Variants in TCF12 observed in about 807,000 individuals in gnomAD.
The protein encoded by TCF12 is DNA-binding protein HTF4.
Under a neutral mutation model 86.0 loss-of-function variants are expected in TCF12, and 45 were observed. That is an observed-to-expected ratio of 0.52 (90% CI 0.41 to 0.67). TCF12 has a LOEUF of 0.67. TCF12 is among the 30% of genes least tolerant of loss of function. TCF12 has a pLI of 0.00. For missense variants in TCF12, 881 were observed against 859.9 expected (o/e 1.02, Z -0.31); for synonymous variants, 330 against 299.6 (o/e 1.10, Z -1.05).
chr15:57,211,993 A>G (rs62022234), intron 8 of TCF12, among the ~76,000 whole-genome samples: 1 of 24,770 alleles, frequency 4.0e-5, no homozygotes, highest in Non-Finnish European at 2.8e-4. Flanking sequence ...ACACACACAC[A>G]CACACACACA....
At chr15:57,184,952 C>T (rs974057463) in intron 6 of TCF12, among the ~76,000 whole-genome samples, 4 of 152,082 alleles carry the variant, frequency 2.6e-5, no homozygotes, top group Non-Finnish European at 5.9e-5. Context: ...ATCATTTCTT[C>T]TGGAGGTTAT....
intron 3 of TCF12, among the ~76,000 whole-genome samples, chr15:56,939,108 T>A (rs2060613822): frequency 6.6e-6 from 1 of 152,332 alleles, no homozygotes; most frequent in South Asian, 2.1e-4. Context: ...TTGCCATTCT[T>A]GTGCGGTTTG....
intron 8 of TCF12, among the ~76,000 whole-genome samples, chr15:57,204,224 C>A (rs1399567108): frequency 6.6e-6 from 1 of 152,034 alleles, no homozygotes; most frequent in African/African-American, 2.4e-5. Flanking sequence ...TCCCCTGAAT[C>A]CAGGAGTTTG....
chr15:57,025,967 A>T (rs1296461327), intron 3 of TCF12, among the ~76,000 whole-genome samples: 1 of 152,230 alleles, frequency 6.6e-6, no homozygotes, highest in African/African-American at 2.4e-5. Context: ...TTCTTGTAGG[A>T]ACAGTTAAAA....
intron 5 of TCF12, among the ~76,000 whole-genome samples, chr15:57,135,719 C>G (rs1254107278): frequency 6.6e-6 from 1 of 152,118 alleles, no homozygotes; most frequent in African/African-American, 2.4e-5. Flanking sequence ...TTTCGCCAAG[C>G]AGTAATAAAG....
intron 3 of TCF12, among the ~76,000 whole-genome samples, chr15:56,980,829 C>T (rs1034627679): frequency 8.6e-5 from 13 of 152,032 alleles, no homozygotes; most frequent in Admixed American, 2.0e-4. Flanking sequence ...TTGTGCTTTC[C>T]GTGAAGATAG....
At chr15:57,171,616 G>A (rs1338548639) in intron 6 of TCF12, among the ~76,000 whole-genome samples, 2 of 152,122 alleles carry the variant, frequency 1.3e-5, no homozygotes, top group Non-Finnish European at 2.9e-5. Flanking sequence ...TGCCTGATGG[G>A]CCTTACTTCA....
At chr15:56,960,610 A>G (rs1397869427) in intron 3 of TCF12, among the ~76,000 whole-genome samples, 1 of 151,612 alleles carries the variant, frequency 6.6e-6, no homozygotes, top group Non-Finnish European at 1.5e-5. Flanking sequence ...TTGTATTTTT[A>G]GTAGAGATGG....
intron 8 of TCF12, among the ~76,000 whole-genome samples, chr15:57,226,054 C>T (rs2058860108): frequency 7.6e-6 from 1 of 132,136 alleles, no homozygotes; most frequent in Non-Finnish European, 1.5e-5. Flanking sequence ...ATAATTTAAA[C>T]ACTAAAAATC....
upstream of TCF12, chr15:56,918,097 C>G (rs2059588079): frequency 2.4e-6 from 1 of 416,984 alleles, no homozygotes; most frequent in Non-Finnish European, 4.8e-6. Context: ...CTCGGAACGG[C>G]CGAGGAGGAT....
chr15:57,245,091 T>C (rs1424492047), intron 13 of TCF12, among the ~76,000 whole-genome samples: 1 of 152,266 alleles, frequency 6.6e-6, no homozygotes, highest in African/African-American at 2.4e-5. Flanking sequence ...TCTGTTTTCC[T>C]AATCAAGCCA....
intron 3 of TCF12, among the ~76,000 whole-genome samples, chr15:56,993,045 A>C (rs1258444517): frequency 6.6e-6 from 1 of 152,178 alleles, no homozygotes; most frequent in East Asian, 1.9e-4. Flanking sequence ...TGGGATATGA[A>C]TGAAGACTAG....
At chr15:57,265,051 A>G (rs776627430) in intron 18 of TCF12, among the ~76,000 whole-genome samples, 3 of 150,760 alleles carry the variant, frequency 2.0e-5, no homozygotes, top group Non-Finnish European at 2.9e-5. Context: ...TTAAGTTAGA[A>G]GTATACTCTA....
rs1238573382 is a variant in TCF12 at position 57,287,829 on chromosome 15, C to A, written c.*1684C>A. ...TTGGTTACTTTAATTTGCATATATT[C>A]TCCAGTTACATCGGACTCTATCTGT... On this transcript the variant is annotated 3_prime_UTR_variant, in exon 21 of 21. Coordinates refer to ENST00000333725, the MANE Select transcript of TCF12 (RefSeq NM_207037.2). 1.3e-5 allele frequency: 2 copies of A among 152,658 alleles called. No individual in the cohort carries two copies. The highest frequency in any genetic ancestry group is 2.9e-5 in the Non-Finnish European group (2 of 68,044). 9.5% of individuals were successfully genotyped at this position (152,658 alleles called of 1,614,324 possible). A position where few individuals can be genotyped will look rare whatever the true frequency, so the allele number is the denominator to read the frequency against.
intron 5 of TCF12, among the ~76,000 whole-genome samples, chr15:57,128,803 C>G (rs2051876615): frequency 6.6e-6 from 1 of 152,172 alleles, no homozygotes; most frequent in Non-Finnish European, 1.5e-5. Flanking sequence ...TCTTTTGTGA[C>G]TGACTCTTTT....
At chr15:57,212,029 C>G (rs1354533996) in intron 8 of TCF12, among the ~76,000 whole-genome samples, 10 of 151,692 alleles carry the variant, frequency 6.6e-5, no homozygotes, top group African/African-American at 2.4e-4. Context: ...GTGTGGACAC[C>G]TGGTATCATC....
chr15:57,013,911 C>A (rs1049857978), intron 3 of TCF12, among the ~76,000 whole-genome samples: 2 of 152,144 alleles, frequency 1.3e-5, no homozygotes, highest in African/African-American at 4.8e-5. Flanking sequence ...AATACCCTAG[C>A]AATTGGATAC....
chr15:56,943,305 A>T (rs1395073424), intron 3 of TCF12, among the ~76,000 whole-genome samples: 1 of 152,190 alleles, frequency 6.6e-6, no homozygotes, highest in Non-Finnish European at 1.5e-5. Context: ...TGACCTAATT[A>T]TACATGATTC....
intron 4 of TCF12, among the ~76,000 whole-genome samples, chr15:57,083,653 T>C (rs1247257502): frequency 6.6e-6 from 1 of 152,174 alleles, no homozygotes; most frequent in Non-Finnish European, 1.5e-5. Context: ...GGCGTGATAC[T>C]GGCTCACTGC....
Sources: allele counts gnomAD v4.1 joint callset (sites outside exome capture counted in the v4.1 genomes callset), GRCh38; gene constraint gnomAD v4.1.1; transcripts MANE v1.5; gene names NCBI Gene and HGNC (gene_info 2026-07-23, HGNC 2026-07-21).